The following ARID4B variants were observed in gnomAD, a reference collection of about 807,000 sequenced individuals.
ARID4B encodes the protein AT-rich interaction domain 4B, also known as AT-rich interactive domain-containing protein 4B.
ARID4B carries 26 observed loss-of-function variants against 147.5 expected under a neutral mutation model. That is an observed-to-expected ratio of 0.18 (90% CI 0.13 to 0.24). The LOEUF (loss-of-function observed/expected upper bound fraction) is 0.24, where lower values mean the gene tolerates loss of function less well. Among genes scored for constraint, ARID4B ranks in the 10% least tolerant of loss-of-function variants. ARID4B has a pLI of 1.00. For synonymous variants in ARID4B, 512 were observed against 507.9 expected (o/e 1.01, Z -0.11); for missense variants, 1,179 against 1,511.5 (o/e 0.78, Z 3.65).
At chr1:235,230,605 A>AG (rs1668145527) in intron 10 of ARID4B, among the ~76,000 whole-genome samples, 1 of 130,028 alleles carries the variant, frequency 7.7e-6, no homozygotes, top group Non-Finnish European at 1.7e-5. Context: ...AAAAAAAAAA[A>AG]AAAAAAAAAA....
At chr1:235,259,767 A>C (rs1400886937) in intron 3 of ARID4B, among the ~76,000 whole-genome samples, 3 of 152,232 alleles carry the variant, frequency 2.0e-5, no homozygotes, top group African/African-American at 4.8e-5. Context: ...TCCATGCATA[A>C]GGAATATAGG....
chr1:235,185,815 G>C (rs1289072676), intron 19 of ARID4B, among the ~76,000 whole-genome samples: 3 of 151,844 alleles, frequency 2.0e-5, no homozygotes, highest in Non-Finnish European at 4.4e-5. Context: ...ACCTTCCTTT[G>C]GTTTCTCATT....
chr1:235,173,762 AAAAAAAAAAATATATATATAT>A (rs1440864868), intron 22 of ARID4B, among the ~76,000 whole-genome samples: 3 of 53,344 alleles, frequency 5.6e-5, no homozygotes, highest in African/African-American at 3.2e-4. Flanking sequence ...AAAAAAAAAA[AAAAAAAAAAATATATATATAT>A]ATATATATAT....
At chr1:235,276,063 G>C (rs923789363) in intron 2 of ARID4B, among the ~76,000 whole-genome samples, 3 of 152,030 alleles carry the variant, frequency 2.0e-5, no homozygotes, top group African/African-American at 7.3e-5. Flanking sequence ...ACTTGAGCCT[G>C]GGGAGTAGAG....
chr1:235,310,184 TAAAAAA>T (rs199543378), intron 2 of ARID4B, among the ~76,000 whole-genome samples: 1 of 149,182 alleles, frequency 6.7e-6, no homozygotes, highest in Non-Finnish European at 1.5e-5. Context: ...TAAAAAAAAA[TAAAAAA>T]AAAGAAACAG....
intron 2 of ARID4B, among the ~76,000 whole-genome samples, chr1:235,267,796 C>T (rs961350195): frequency 2.0e-5 from 3 of 151,772 alleles, no homozygotes; most frequent in Non-Finnish European, 4.4e-5. Flanking sequence ...CCCAGCTACT[C>T]GGGAGGCTGA....
rs1252139337 is a variant in ARID4B at position 235,194,356 on chromosome 1, A to C, written c.1927-145T>G. 8.9e-6 allele frequency: 6 copies of C among 676,668 alleles called. No individual in the cohort carries two copies. In the East Asian group the frequency reaches 1.6e-4, roughly 19 times the overall value. 41.9% of individuals were successfully genotyped at this position (676,668 alleles called of 1,614,324 possible). On this transcript the variant is annotated intron_variant, in intron 18 of 23. Transcript: ENST00000264183. ...AAGAACATAAGAAGCCCCTCAAAAC[A>C]GCCAGATTTTTAAAGCTACTTAACA...
intron 2 of ARID4B, among the ~76,000 whole-genome samples, chr1:235,296,820 A>AG: frequency 6.6e-5 from 3 of 45,438 alleles, no homozygotes; most frequent in African/African-American, 1.7e-4. Flanking sequence ...GAAGGAAGGA[A>AG]GGAAGGAAGG....
chr1:235,278,306 T>A (rs1008073298), intron 2 of ARID4B, among the ~76,000 whole-genome samples: 5 of 152,204 alleles, frequency 3.3e-5, no homozygotes, highest in African/African-American at 1.2e-4. Context: ...AATTTCATTA[T>A]CAAACATGCC....
At chr1:235,212,947 A>C (rs567767505) in intron 17 of ARID4B, among the ~76,000 whole-genome samples, 35 of 152,336 alleles carry the variant, frequency 2.3e-4, no homozygotes, top group African/African-American at 8.2e-4. Context: ...TTCTATGGTT[A>C]ATCTTTCCAG....
intron 2 of ARID4B, among the ~76,000 whole-genome samples, chr1:235,282,976 T>G (rs1671757297): frequency 6.6e-6 from 1 of 152,186 alleles, no homozygotes; most frequent in Admixed American, 6.5e-5. Context: ...GAGACGGGGT[T>G]TCACCGTGTT....
At chr1:235,286,444 T>C (rs74148468) in intron 2 of ARID4B, among the ~76,000 whole-genome samples, 4,507 of 152,292 alleles carry the variant, frequency 0.03, 219 homozygotes, top group African/African-American at 0.1. Context: ...GAGGAATCTG[T>C]TAAACAGTTA....
chr1:235,276,982 G>C (rs1671357930), intron 2 of ARID4B, among the ~76,000 whole-genome samples: 1 of 147,804 alleles, frequency 6.8e-6, no homozygotes, highest in African/African-American at 2.5e-5. Flanking sequence ...CTAGGTGATG[G>C]AGCAAAACAC....
intron 5 of ARID4B, among the ~76,000 whole-genome samples, chr1:235,254,626 A>G (rs1479721168): frequency 6.6e-6 from 1 of 151,982 alleles, no homozygotes; most frequent in Non-Finnish European, 1.5e-5. Flanking sequence ...AAGCAGAGAC[A>G]AGAATAAAGC....
intron 10 of ARID4B, among the ~76,000 whole-genome samples, chr1:235,229,880 G>T (rs1202402122): frequency 6.6e-6 from 1 of 152,094 alleles, no homozygotes; most frequent in Admixed American, 6.5e-5. Context: ...AAATTAGCTA[G>T]ACACAATTAT....
chr1:235,266,596 T>C (rs986471388), intron 2 of ARID4B, among the ~76,000 whole-genome samples: 1 of 152,238 alleles, frequency 6.6e-6, no homozygotes, highest in African/African-American at 2.4e-5. Flanking sequence ...TAAAAAACAC[T>C]GAATTCCATG....
rs761525155 is a variant in ARID4B at position 235,182,509 on chromosome 1, T to C, written c.2410A>G (p.Arg804Gly). The change falls in exon 20 of 24, where the codon AGA becomes GGA. Residue 804 changes from arginine (R) to glycine (G), a missense_variant. By Grantham distance (125) the Arg-to-Gly change is moderately radical. This residue lies in a region of ARID4B where 321 missense variants were observed against 342.4 expected (regional missense o/e 0.94). Coordinates refer to ENST00000264183, the MANE Select transcript of ARID4B (RefSeq NM_016374.6). Reference sequence around the variant, plus strand: ...GTTGTGTCCTTCTTGACATCCTTTCTCTTTTTTGTGACTTCATCTTCTTCA... The same window carrying C: ...GTTGTGTCCTTCTTGACATCCTTTCCCTTTTTTGTGACTTCATCTTCTTCA... ...DYEEDEVTKK[R>G]KDVKKDTTDK... 1 of 1,613,264 alleles carries C rather than the reference T, an allele frequency of 6.2e-7. No individual in the cohort carries two copies. The highest frequency in any genetic ancestry group is 8.5e-7 in the Non-Finnish European group (1 of 1,179,844).
At chr1:235,194,315 A>AT (rs1225347691) in intron 18 of ARID4B, 104 bp from the exon 19 acceptor site, 2 of 894,974 alleles carry the variant, frequency 2.2e-6, no homozygotes, top group East Asian at 5.3e-5. Flanking sequence ...GTTGTTAAAT[A>AT]TTTAACATAA....
intron 5 of ARID4B, among the ~76,000 whole-genome samples, chr1:235,255,258 GATAGATAT>G (rs759271444): frequency 5.8e-5 from 5 of 86,480 alleles, no homozygotes; most frequent in East Asian, 2.8e-4. Context: ...TAGATAGATA[GATAGATAT>G]ATATCTCTCT....
Sources: gnomAD v4.1 joint callset for allele counts (sites outside exome capture counted in the v4.1 genomes callset) on GRCh38, gnomAD v4.1.1 for gene constraint, gnomAD v4.1.1 regional missense constraint, MANE v1.5 for transcripts, NCBI Gene and HGNC (gene_info 2026-07-23, HGNC 2026-07-21) for gene names.